The following TRRAP variants were observed in gnomAD, a reference collection of about 807,000 sequenced individuals.
TRRAP encodes the protein transformation/transcription domain-associated protein.
In TRRAP, 41 loss-of-function variants were observed where a neutral mutation model predicts 438.8. The ratio of observed to expected loss-of-function variants is 0.09; its 90% CI spans 0.07 to 0.12. The LOEUF is 0.12. TRRAP is among the 10% of genes least tolerant of loss of function. The pLI, the probability that TRRAP is intolerant of heterozygous loss-of-function variation, is 1.00. For synonymous variants in TRRAP, 1,994 were observed against 1,962.9 expected (o/e 1.02, Z -0.42); for missense variants, 3,122 against 5,055.1 (o/e 0.62, Z 11.60).
rs1355022107 is a variant in TRRAP at position 98,955,091 on chromosome 7, G to A, written c.5731-7G>A. 3.7e-6 allele frequency: 6 copies of A among 1,609,598 alleles called. No homozygotes were observed. The African/African-American group carries it at 8.0e-5, about 21-fold the overall frequency. ...CATCCTCCATAAACGTCTCTTCCCT[G>A]TTTTAGGTTTTTCATAGTCTCCTCA... On this transcript the variant is annotated splice_polypyrimidine_tract_variant and splice_region_variant and intron_variant, in intron 40 of 72. Coordinates refer to ENST00000456197, the MANE Select transcript of TRRAP (RefSeq NM_001375524.1).
chr7:99,002,513 C>T (rs918146954), intron 67 of TRRAP, among the ~76,000 whole-genome samples: 1 of 152,174 alleles, frequency 6.6e-6, no homozygotes. Context: ...CTTGGCAGCA[C>T]GTTCTTGGTC....
At chr7:98,946,076 T>G in intron 33 of TRRAP, 126 bp downstream of exon 33, 1 of 1,000,442 alleles carries the variant, frequency 1.0e-6, no homozygotes, top group Non-Finnish European at 1.3e-6. Flanking sequence ...GTGACCTGTA[T>G]TGTCTGTCTG....
At position 99,011,931 on chromosome 7, in the gene TRRAP, A is replaced by G. The variant is rs1161148856; in HGVS notation, c.11338-140A>G. 3 of 1,134,724 alleles carry G rather than the reference A, an allele frequency of 2.6e-6. No homozygotes were observed. The highest frequency in any genetic ancestry group is 3.7e-6 in the Non-Finnish European group (3 of 810,624). The allele number at this position is 1,134,724 out of a possible 1,614,324, so 70.3% of individuals were successfully genotyped here. A position where few individuals can be genotyped will look rare whatever the true frequency, so the allele number is the denominator to read the frequency against. On this transcript the variant is annotated intron_variant, in intron 72 of 72. Coordinates refer to ENST00000456197, the MANE Select transcript of TRRAP (RefSeq NM_001375524.1). This position sits in a 1 kb window ranked among gnomAD's most constrained non-coding sequence, Gnocchi z 7.1. The stretch of plus-strand genomic sequence containing the variant: ...TCCCCAGCCCGTCCTGAGGGCACAC[A>G]GCCTGGCCTGGTGCTGAAACTCGAC...
At chr7:98,912,583 A>G (rs1789322672) in intron 18 of TRRAP, among the ~76,000 whole-genome samples, 1 of 152,160 alleles carries the variant, frequency 6.6e-6, no homozygotes, top group African/African-American at 2.4e-5. Context: ...TCTTACGGTA[A>G]GCAAGTGTGG....
chr7:98,910,434 C>T lies in TRRAP; in HGVS notation c.1714+15C>T. The T allele has an allele frequency of 6.2e-7, 1 of 1,611,392 alleles. No homozygotes were observed. Among genetic ancestry groups the T allele is most frequent in the East Asian group, 2.2e-5 (1 of 44,880 alleles). On this transcript the variant is annotated intron_variant, in intron 15 of 72. Coordinates refer to ENST00000456197, the MANE Select transcript of TRRAP (RefSeq NM_001375524.1). ...AGCACCTGGTGGTAATTCTGCTCTT[C>T]AGTTATGTAGACAAACAATAGTTTT...
In TRRAP at chr7:98,910,217, T is replaced by TTCCCCCCCCCCCCCCCCCCCCCC; in HGVS notation, c.1512_1513insTCCCCCCCCCCCCCCCCCCCCCC (p.Ala505SerfsTer23). The TTCCCCCCCCCCCCCCCCCCCCCC allele has an allele frequency of 1.9e-6, 2 of 1,045,584 alleles. No homozygotes were observed. The highest frequency in any genetic ancestry group is 3.0e-5 in the Admixed American group (1 of 33,894). 64.8% of individuals were successfully genotyped at this position (1,045,584 alleles called of 1,614,324 possible). A position where few individuals can be genotyped will look rare whatever the true frequency, so the allele number is the denominator to read the frequency against. ...CTGCTCCCTCCCCAGCCCCTGTCCCTGCCCCACCTCCACCCCCGCCCCCAC... is the reference window on the plus strand; with the variant it reads ...CTGCTCCCTCCCCAGCCCCTGTCCCTTCCCCCCCCCCCCCCCCCCCCCCGCCCCACCTCCACCCCCGCCCCCAC... On this transcript the variant is annotated frameshift_variant, in exon 15 of 73. Coordinates refer to ENST00000456197, the MANE Select transcript of TRRAP (RefSeq NM_001375524.1). LOFTEE classifies it high-confidence loss of function.
At chr7:98,896,802 CTT>C (rs1200271339) in intron 7 of TRRAP, among the ~76,000 whole-genome samples, 1 of 152,214 alleles carries the variant, frequency 6.6e-6, no homozygotes, top group East Asian at 1.9e-4. Context: ...AAATTAGTGA[CTT>C]TGAGTTGTCA....
At position 98,910,267 on chromosome 7, in the gene TRRAP, C is replaced by T. The variant is rs781856824; in HGVS notation, c.1562C>T (p.Pro521Leu). ...PPPPPATPVT[P>L]APVPPFEKQG... Reference sequence around the variant, plus strand: ...CCCCCACCTGCCACCCCTGTGACCCCGGCCCCCGTGCCTCCCTTCGAGAAG... The same window carrying T: ...CCCCCACCTGCCACCCCTGTGACCCTGGCCCCCGTGCCTCCCTTCGAGAAG... The change falls in exon 15 of 73, where the codon CCG (proline) becomes CTG (leucine). Residue 521 changes from proline (P) to leucine (L), a missense_variant. Physicochemically the swap from Pro to Leu is moderately conservative, Grantham distance 98. This residue lies in a region of TRRAP where 115 missense variants were observed against 124.6 expected (regional missense o/e 0.92). Transcript: ENST00000456197. 48 of 1,593,282 alleles carry T rather than the reference C, an allele frequency of 3.0e-5. No homozygotes were observed. The highest frequency in any genetic ancestry group is 1.9e-4 in the Admixed American group (11 of 59,130).
At chr7:98,935,334 A>G (rs1329703030) in intron 27 of TRRAP, among the ~76,000 whole-genome samples, 1 of 152,132 alleles carries the variant, frequency 6.6e-6, no homozygotes, top group Non-Finnish European at 1.5e-5. Flanking sequence ...GTGAGAAAAA[A>G]ACATGGTGGT....
Position 98,921,750 on chromosome 7 carries a change from C to T in TRRAP, c.2623-3C>T. ...ACCTTAATGAAAGCACGCTGATTTTCAGGCTCTGTGGCGCACCTTACGCAA... is the reference window on the plus strand; with the variant it reads ...ACCTTAATGAAAGCACGCTGATTTTTAGGCTCTGTGGCGCACCTTACGCAA... On this transcript the variant is annotated splice_polypyrimidine_tract_variant and splice_region_variant and intron_variant, in intron 20 of 72. Transcript: ENST00000456197. The T allele has an allele frequency of 1.2e-6, 2 of 1,614,008 alleles. No homozygotes were observed. The highest frequency in any genetic ancestry group is 2.7e-5 in the African/African-American group (2 of 75,046).
intron 53 of TRRAP, chr7:98,975,816 G>A (rs1425877430): frequency 1.3e-5 from 3 of 230,402 alleles, no homozygotes; most frequent in Non-Finnish European, 2.5e-5. Flanking sequence ...GTCCTTCTAA[G>A]TTACTCTTTC....
chr7:99,008,577 G>T lies in TRRAP; in HGVS notation c.10938+16G>T. ...CAGCCACCAGGTAGCAGTGGGGCCGGGCCGGGGGCCGAGCTGCCGCCTGCA... is the reference window on the plus strand; with the variant it reads ...CAGCCACCAGGTAGCAGTGGGGCCGTGCCGGGGGCCGAGCTGCCGCCTGCA... On this transcript the variant is annotated intron_variant, in intron 70 of 72. Transcript: ENST00000456197. The T allele has an allele frequency of 6.2e-7, 1 of 1,611,272 alleles. No individual in the cohort carries two copies. The highest frequency in any genetic ancestry group is 1.1e-5 in the South Asian group (1 of 90,948).
Position 98,994,437 on chromosome 7 carries a change from C to T in TRRAP, c.10048-150C>T, listed in dbSNP as rs1004139062. On this transcript the variant is annotated intron_variant, in intron 66 of 72. Coordinates refer to ENST00000456197, the MANE Select transcript of TRRAP (RefSeq NM_001375524.1). The surrounding 1 kb of genome is among the most constrained non-coding windows in gnomAD (Gnocchi z 4.8). ...GCACAGGCGTCCCGTTTCTTGCACA[C>T]GCCGATTTCATGCCTGCTGTGTGTG... 1.6e-5 allele frequency: 19 copies of T among 1,184,120 alleles called. No homozygotes were observed. The highest frequency in any genetic ancestry group is 4.6e-5 in the African/African-American group (3 of 65,358). 73.4% of individuals were successfully genotyped at this position (1,184,120 alleles called of 1,614,324 possible).
At position 98,970,138 on chromosome 7, in the gene TRRAP, C is replaced by G; in HGVS notation, c.7539C>G (p.Ser2513Arg). 6.2e-7 allele frequency: 1 copy of G among 1,613,880 alleles called. No homozygotes were observed. The highest frequency in any genetic ancestry group is 8.5e-7 in the Non-Finnish European group (1 of 1,179,992). ...IELLLAVCEKSTPIGTSCQGA... is the reference protein window; with the variant it reads ...IELLLAVCEKRTPIGTSCQGA... ...TGCTTCTGGCCGTGTGTGAGAAGAG[C>G]ACCCCCATTGGCACCAGCTGCCAAG... is the stretch of plus-strand genomic sequence containing the variant. Residue 2513 changes from serine (S) to arginine (R), a missense_variant, in exon 52 of 73, where the codon AGC (serine) becomes AGG (arginine). Transcript: ENST00000456197.
chr7:98,989,105 C>A, intron 63 of TRRAP, 139 bp downstream of exon 63: 2 of 918,310 alleles, frequency 2.2e-6, no homozygotes, highest in Non-Finnish European at 1.6e-6. Context: ...CATCACTGTT[C>A]GAAGTATCTT....
At position 98,912,095 on chromosome 7, in the gene TRRAP, T is replaced by C; in HGVS notation, c.2081T>C (p.Leu694Pro). 1 of 1,614,224 alleles carries C rather than the reference T, an allele frequency of 6.2e-7. No homozygotes were observed. The highest frequency in any genetic ancestry group is 8.5e-7 in the Non-Finnish European group (1 of 1,180,052). ...LFATILVEYLLDRLPEMGSNV... is the reference protein window; with the variant it reads ...LFATILVEYLPDRLPEMGSNV... ...GCTACGATTCTGGTGGAATATCTCC[T>C]TGATCGCCTGCCAGAAATGGGCTCC... Residue 694 changes from leucine (L) to proline (P), a missense_variant, in exon 18 of 73, where the codon CTT becomes CCT. Leu to Pro is a moderately conservative substitution (Grantham distance 98). This residue lies in a region of TRRAP where 149 missense variants were observed against 302.8 expected (regional missense o/e 0.49). Coordinates refer to ENST00000456197, the MANE Select transcript of TRRAP (RefSeq NM_001375524.1).
intron 23 of TRRAP, among the ~76,000 whole-genome samples, chr7:98,929,424 A>G (rs1305386697): frequency 2.6e-5 from 4 of 152,162 alleles, no homozygotes; most frequent in Non-Finnish European, 5.9e-5. Flanking sequence ...TCTCATTTTG[A>G]ACTAATATAT....
chr7:98,955,455 G>A lies in TRRAP; in HGVS notation c.5937+151G>A, dbSNP rs2066327200. 6 of 805,728 alleles carry A rather than the reference G, an allele frequency of 7.4e-6. 1 individual carries two copies. Among genetic ancestry groups the A allele is most frequent in the African/African-American group, 6.9e-5 (4 of 57,794 alleles). The allele number at this position is 805,728 out of a possible 1,614,324, so 49.9% of individuals were successfully genotyped here. A position where few individuals can be genotyped will look rare whatever the true frequency, so the allele number is the denominator to read the frequency against. ...TTGATTAGTTTGTGTATGTGTGTAT[G>A]GCTTTATCAGCATGGAAATTGCTGT... On this transcript the variant is annotated intron_variant, in intron 41 of 72. Coordinates refer to ENST00000456197, the MANE Select transcript of TRRAP (RefSeq NM_001375524.1).
At chr7:98,912,759 G>A (rs1249035297) in intron 18 of TRRAP, among the ~76,000 whole-genome samples, 4 of 152,114 alleles carry the variant, frequency 2.6e-5, no homozygotes, top group Non-Finnish European at 5.9e-5. Flanking sequence ...TGGTGTGACA[G>A]TGCCGATTGT....
Sources: allele counts gnomAD v4.1 joint callset (sites outside exome capture counted in the v4.1 genomes callset), GRCh38; gene constraint gnomAD v4.1.1; regional missense constraint gnomAD v4.1.1; non-coding constraint Gnocchi (gnomAD v3.1); transcripts MANE v1.5; gene names NCBI Gene and HGNC (gene_info 2026-07-23, HGNC 2026-07-21).